SLC9A9: variants seen among roughly 807,000 people sequenced by gnomAD.
The protein encoded by SLC9A9 is solute carrier family 9 member A9.
In SLC9A9, 62 loss-of-function variants were observed where a neutral mutation model predicts 77.8. The ratio of observed to expected loss-of-function variants is 0.80; its 90% confidence interval spans 0.65 to 0.98. The LOEUF (loss-of-function observed/expected upper bound fraction) is 0.98. SLC9A9 is among the 50% of genes least tolerant of loss of function. The pLI, the probability that SLC9A9 is intolerant of heterozygous loss-of-function variation, is 0.00. For missense variants in SLC9A9, 775 were observed against 774.9 expected (o/e 1.00, Z 0.00); for synonymous variants, 320 against 283.5 (o/e 1.13, Z -1.29).
intron 6 of SLC9A9, among the ~76,000 whole-genome samples, chr3:143,580,392 G>A (rs1279221424): frequency 2.0e-5 from 3 of 152,140 alleles, no homozygotes; most frequent in Admixed American, 6.6e-5. Context: ...CATAGAACAA[G>A]CACGGCTTTA....
At chr3:143,796,340 T>C (rs2008384310) in intron 3 of SLC9A9, among the ~76,000 whole-genome samples, 1 of 152,174 alleles carries the variant, frequency 6.6e-6, no homozygotes, top group South Asian at 2.1e-4. Flanking sequence ...TCCAGAATAA[T>C]GCTGTCCAAT....
rs548346520 is a variant in SLC9A9 at position 143,847,784 on chromosome 3, T to C, written c.175+364A>G. On this transcript the variant is annotated intron_variant, in intron 1 of 15. Transcript: ENST00000316549. Reference sequence around the variant, plus strand: ...TTTTTCTAGAACTTCGTAATGTTCATCGGTGCAGCCAGTGAGAGAAGGCTG... The same window carrying C: ...TTTTTCTAGAACTTCGTAATGTTCACCGGTGCAGCCAGTGAGAGAAGGCTG... 1.2e-5 allele frequency: 3 copies of C among 257,136 alleles called. No homozygotes were observed. The East Asian group carries it at 2.6e-4, about 22-fold the overall frequency. The allele number at this position is 257,136 out of a possible 1,614,324, so 15.9% of individuals were successfully genotyped here.
intron 14 of SLC9A9, among the ~76,000 whole-genome samples, chr3:143,318,610 A>G (rs1244289176): frequency 1.3e-5 from 2 of 152,136 alleles, no homozygotes; most frequent in Non-Finnish European, 2.9e-5. Flanking sequence ...ATCTGTCACA[A>G]ATGGCTGCTA....
chr3:143,488,303 C>G (rs1023304742), intron 11 of SLC9A9, among the ~76,000 whole-genome samples: 6 of 151,956 alleles, frequency 3.9e-5, no homozygotes, highest in Non-Finnish European at 5.9e-5. Context: ...CATGGTTTCA[C>G]AGGTGATTTC....
intron 12 of SLC9A9, among the ~76,000 whole-genome samples, chr3:143,456,568 C>CTT (rs71140437): frequency 3.5e-5 from 5 of 142,612 alleles, no homozygotes; most frequent in African/African-American, 5.2e-5. Flanking sequence ...TTCTTTCTTT[C>CTT]TTTTTTTTTT....
intron 4 of SLC9A9, among the ~76,000 whole-genome samples, chr3:143,711,663 CACTATGGCCTCCTG>C (rs1201284213): frequency 6.6e-6 from 1 of 151,716 alleles, no homozygotes; most frequent in African/African-American, 2.4e-5. Context: ...TGACCCTTCC[CACTATGGCCTCCTG>C]GCCTCCCAAA....
chr3:143,434,957 C>T (rs2034593915), intron 12 of SLC9A9, among the ~76,000 whole-genome samples: 1 of 152,154 alleles, frequency 6.6e-6, no homozygotes, highest in Non-Finnish European at 1.5e-5. Context: ...AACCTATTCC[C>T]TGGTTGCCCA....
In SLC9A9 at chr3:143,349,693, C is replaced by T. The variant is rs112788003; in HGVS notation, c.1604+13791G>A. 9.2e-5 allele frequency among the ~76,000 whole-genome samples: 14 copies of T among 152,244 alleles called. 1 individual carries two copies. The highest frequency in any genetic ancestry group is 1.9e-4 in the African/African-American group (8 of 41,544). On this transcript the variant is annotated intron_variant, in intron 14 of 15. Coordinates refer to ENST00000316549, the MANE Select transcript of SLC9A9 (RefSeq NM_173653.4). Reference sequence around the variant, plus strand: ...GACTCATGCTCTGTGCTGTTCCAGGCGATTGAGTCTGAACTTGATTGGTAG... The same window carrying T: ...GACTCATGCTCTGTGCTGTTCCAGGTGATTGAGTCTGAACTTGATTGGTAG...
intron 5 of SLC9A9, among the ~76,000 whole-genome samples, chr3:143,684,528 C>T (rs11916054): frequency 2.6e-4 from 39 of 152,088 alleles, no homozygotes; most frequent in African/African-American, 8.4e-4. Context: ...ACCATGCTAA[C>T]GTAATATAAA....
At chr3:143,564,015 A>G (rs75404626) in intron 8 of SLC9A9, among the ~76,000 whole-genome samples, 3 of 152,120 alleles carry the variant, frequency 2.0e-5, no homozygotes, top group Non-Finnish European at 4.4e-5. Context: ...TGTCCAGCAC[A>G]TGTCAGGTAC....
chr3:143,377,040 T>C (rs2033194794), intron 13 of SLC9A9, among the ~76,000 whole-genome samples: 1 of 152,206 alleles, frequency 6.6e-6, no homozygotes, highest in Admixed American at 6.5e-5. Context: ...ATGGGTATGT[T>C]AAGATTCATT....
chr3:143,512,238 A>G (rs2036128447), intron 9 of SLC9A9, among the ~76,000 whole-genome samples: 1 of 152,380 alleles, frequency 6.6e-6, no homozygotes, highest in South Asian at 2.1e-4. Flanking sequence ...GAGATTAGGA[A>G]TATGTAATAA....
chr3:143,381,993 C>T, intron 13 of SLC9A9, 67 bp downstream of exon 13: 1 of 1,581,736 alleles, frequency 6.3e-7, no homozygotes, highest in Non-Finnish European at 8.7e-7. Flanking sequence ...GCTGGACAAA[C>T]ATGGAACAGC....
At chr3:143,663,431 G>A (rs999530389) in intron 5 of SLC9A9, among the ~76,000 whole-genome samples, 1 of 152,188 alleles carries the variant, frequency 6.6e-6, no homozygotes, top group African/African-American at 2.4e-5. Context: ...GCAGCTTCTC[G>A]CCAACAACGG....
chr3:143,781,642 G>A (rs2007885313), intron 4 of SLC9A9, among the ~76,000 whole-genome samples: 1 of 152,122 alleles, frequency 6.6e-6, no homozygotes, highest in Non-Finnish European at 1.5e-5. Flanking sequence ...CATTTTTAGA[G>A]GAAACACATG....
At chr3:143,464,890 A>G (rs2035258009) in intron 12 of SLC9A9, among the ~76,000 whole-genome samples, 2 of 152,136 alleles carry the variant, frequency 1.3e-5, no homozygotes, top group African/African-American at 4.8e-5. Context: ...GGTGCCCACA[A>G]ATCTATGAAC....
chr3:143,414,010 A>G (rs1228606006), intron 12 of SLC9A9, among the ~76,000 whole-genome samples: 1 of 152,274 alleles, frequency 6.6e-6, no homozygotes, highest in Non-Finnish European at 1.5e-5. Flanking sequence ...GGCTAGACAC[A>G]TAGCAGGCAC....
chr3:143,455,891 G>A (rs1012719401), intron 12 of SLC9A9, among the ~76,000 whole-genome samples: 17 of 150,630 alleles, frequency 1.1e-4, no homozygotes, highest in African/African-American at 3.2e-4. Flanking sequence ...TGTATGTATC[G>A]TCTTTATTTT....
intron 12 of SLC9A9, among the ~76,000 whole-genome samples, chr3:143,459,080 A>T (rs1212934317): frequency 2.0e-5 from 3 of 149,798 alleles, no homozygotes; most frequent in Admixed American, 6.6e-5. Flanking sequence ...TCCATTCTAA[A>T]TTTTTTATTT....
Sources: gnomAD v4.1 joint callset for allele counts (sites outside exome capture counted in the v4.1 genomes callset) on GRCh38, gnomAD v4.1.1 for gene constraint, MANE v1.5 for transcripts, NCBI Gene and HGNC (gene_info 2026-07-23, HGNC 2026-07-21) for gene names.